Variants in PCDHA10 observed in about 807,000 individuals in gnomAD.
The protein encoded by PCDHA10 is protocadherin alpha 10.
In PCDHA10, 45 loss-of-function variants were observed where a neutral mutation model predicts 61.2. The observed-to-expected ratio is 0.74, with a 90% CI of 0.58 to 0.94. PCDHA10 has a LOEUF of 0.94. PCDHA10 is among the 40% of genes least tolerant of loss of function. The probability of loss-of-function intolerance (pLI) is 0.00; values close to 1 mark genes in which losing one functional copy is unlikely to be tolerated. For synonymous variants in PCDHA10, 602 were observed against 548.8 expected, an observed-to-expected ratio of 1.10 and a Z score of -1.35; for missense variants, 1,278 against 1,236.2, an observed-to-expected ratio of 1.03 and a Z score of -0.51.
rs183786609 is a variant in PCDHA10, at chr5:140,896,576, C to T, written c.2388+38140C>T. ...ATTTTAAGTAGAGATGGGGTTTTGA[C>T]GTGTTGGCCAGGCTGGTCTCGAACT... On this transcript the variant is annotated intron_variant, in intron 1 of 3. Transcript: ENST00000307360. Among the ~76,000 whole-genome samples the T allele has an allele frequency of 3.4e-4, 51 of 151,254 alleles. No individual in the cohort carries two copies. The East Asian group carries it at 4.9e-3, about 14-fold the overall frequency.
chr5:140,859,830 T>C (rs1388131535), intron 1 of PCDHA10: 1 of 152,212 alleles, frequency 6.6e-6, no homozygotes, highest in Non-Finnish European at 1.5e-5. Flanking sequence ...AGAAGTGTAT[T>C]TGTTATTTTA....
At position 140,967,525 on chromosome 5, in the gene PCDHA10, C is replaced by T. The variant is rs368677084; in HGVS notation, c.2389-11424C>T. The stretch of plus-strand genomic sequence containing the variant: ...TGCGTGTCCTGGACACTAACGACAA[C>T]TCTCCTGCCTTTGACCAGTCCACTT... On this transcript the variant is annotated intron_variant, in intron 1 of 3. Coordinates refer to ENST00000307360, the MANE Select transcript of PCDHA10 (RefSeq NM_018901.4). 3.7e-5 allele frequency: 59 copies of T among 1,613,048 alleles called. No individual in the cohort carries two copies. The African/African-American group carries it at 7.3e-4, about 20-fold the overall frequency.
intron 1 of PCDHA10, chr5:140,875,493 A>T: frequency 6.2e-7 from 1 of 1,612,928 alleles, no homozygotes; most frequent in South Asian, 1.1e-5. Flanking sequence ...TCGGACCAAG[A>T]GGCCCGGGAT....
chr5:140,932,637 T>G (rs1554209011), intron 1 of PCDHA10, among the ~76,000 whole-genome samples: 2 of 151,870 alleles, frequency 1.3e-5, no homozygotes, highest in Non-Finnish European at 3.0e-5. Flanking sequence ...TAAAAAACTT[T>G]AGAATGATGA....
In PCDHA10 at chr5:140,927,522, A is replaced by G. The variant is rs1292484442; in HGVS notation, c.2389-51427A>G. On this transcript the variant is annotated intron_variant, in intron 1 of 3. Coordinates refer to ENST00000307360, the MANE Select transcript of PCDHA10 (RefSeq NM_018901.4). ...TGCTTACAGCTCGGGACGGCGGGCT[A>G]CCTGCCCGCTCAGGAGACGCACAAG... 5.6e-6 allele frequency: 9 copies of G among 1,614,088 alleles called. No homozygotes were observed. In the South Asian group the frequency reaches 9.9e-5, roughly 18 times the overall value.
intron 1 of PCDHA10, among the ~76,000 whole-genome samples, chr5:140,953,085 A>G (rs1197965470): frequency 2.0e-5 from 3 of 152,246 alleles, no homozygotes; most frequent in African/African-American, 4.8e-5. Flanking sequence ...ATTGGGGATT[A>G]CAATTTGACA....
chr5:140,987,536 A>G (rs555442118), intron 3 of PCDHA10, among the ~76,000 whole-genome samples: 126 of 152,290 alleles, frequency 8.3e-4, no homozygotes, highest in Non-Finnish European at 1.6e-3. Context: ...TCCTGGGACC[A>G]TTACTTAACT....
At chr5:140,868,550 T>A (rs2050522684) in intron 1 of PCDHA10, 1 of 152,704 alleles carries the variant, frequency 6.5e-6, no homozygotes, top group South Asian at 2.1e-4. Flanking sequence ...AATTTGATAG[T>A]ATTTTTATAT....
At position 140,969,448 on chromosome 5, in the gene PCDHA10, G is replaced by A. The variant is rs781843317; in HGVS notation, c.2389-9501G>A. 468 of 1,537,938 alleles carry A rather than the reference G, an allele frequency of 3.0e-4. 1 individual carries two copies. Among genetic ancestry groups the A allele is most frequent in the Non-Finnish European group, 4.0e-4 (459 of 1,139,778 alleles). On this transcript the variant is annotated intron_variant, in intron 1 of 3. Coordinates refer to ENST00000307360, the MANE Select transcript of PCDHA10 (RefSeq NM_018901.4). ...AGTGACAAGAGTTATCTGGTAAACT[G>A]AGTATATATAGTATCCACAATTTGA...
At chr5:140,942,876 T>C (rs2093384814) in intron 1 of PCDHA10, among the ~76,000 whole-genome samples, 1 of 152,052 alleles carries the variant, frequency 6.6e-6, no homozygotes, top group Non-Finnish European at 1.5e-5. Context: ...GCATGACAAC[T>C]TTTTTCCTAA....
intron 1 of PCDHA10, among the ~76,000 whole-genome samples, chr5:140,957,326 C>G (rs2095350528): frequency 6.6e-6 from 1 of 152,118 alleles, no homozygotes; most frequent in African/African-American, 2.4e-5. Context: ...GAGCACAGTA[C>G]AGTAAGATAT....
At chr5:140,939,603 CAG>C (rs2092419919) in intron 1 of PCDHA10, among the ~76,000 whole-genome samples, 2 of 152,068 alleles carry the variant, frequency 1.3e-5, no homozygotes, top group Non-Finnish European at 2.9e-5. Flanking sequence ...TGCTCAAAAA[CAG>C]AACAAGGAGA....
intron 3 of PCDHA10, among the ~76,000 whole-genome samples, chr5:140,993,250 T>G (rs1554253518): frequency 6.6e-6 from 1 of 152,154 alleles, no homozygotes; most frequent in East Asian, 1.9e-4. Context: ...GGGATTTAGA[T>G]ATATAAATTA....
intron 1 of PCDHA10, chr5:140,882,432 A>G: frequency 6.2e-7 from 1 of 1,614,052 alleles, no homozygotes; most frequent in Non-Finnish European, 8.5e-7. Context: ...CTGGGGCTGG[A>G]GCTGGCGGAG....
chr5:140,950,896 A>G (rs1023778505), intron 1 of PCDHA10, among the ~76,000 whole-genome samples: 1 of 151,834 alleles, frequency 6.6e-6, no homozygotes, highest in Non-Finnish European at 1.5e-5. Context: ...TCTGAGATTT[A>G]TTTTATTTTT....
chr5:140,876,623 A>G (rs2056465121), intron 1 of PCDHA10: 1 of 1,614,086 alleles, frequency 6.2e-7, no homozygotes, highest in East Asian at 2.2e-5. Context: ...GCCAATGGAC[A>G]GGTCATCTGC....
Position 140,856,419 on chromosome 5 carries a change from A to G in PCDHA10, c.371A>G (p.Asp124Gly). The G allele has an allele frequency of 6.3e-7, 1 of 1,598,426 alleles. No individual in the cohort carries two copies. The highest frequency in any genetic ancestry group is 8.6e-7 in the Non-Finnish European group (1 of 1,167,934). The change falls in exon 1 of 4, where the codon GAC becomes GGC. Residue 124 changes from aspartate (D) to glycine (G), a missense_variant. Physicochemically the swap from Asp to Gly is moderately conservative, Grantham distance 94. Transcript: ENST00000307360. The stretch of plus-strand genomic sequence containing the variant: ...TTCCATGTGGACGTGGAAGTGAAGG[A>G]CATTAACGACAACCCGCCCAGGTTC... ...QVFHVDVEVK[D>G]INDNPPRFSV...
Position 140,858,160 on chromosome 5 carries a change from G to A in PCDHA10, c.2112G>A (p.Ala704=). 6.3e-7 allele frequency: 1 copy of A among 1,597,718 alleles called. No homozygotes were observed. Among genetic ancestry groups the A allele is most frequent in the Non-Finnish European group, 8.6e-7 (1 of 1,167,506 alleles). ...VNVYLIIAIC[A]VSSLLVLTLL... ...TGTACCTGATCATCGCCATCTGCGC[G>A]GTGTCCAGCTTGCTGGTGCTCACGC... The change falls in exon 1 of 4, where the codon GCG becomes GCA. Residue 704 remains alanine (A), a synonymous_variant. Coordinates refer to ENST00000307360, the MANE Select transcript of PCDHA10 (RefSeq NM_018901.4).
chr5:140,875,407 A>G (rs2055457272), intron 1 of PCDHA10: 2 of 1,497,672 alleles, frequency 1.3e-6, no homozygotes, highest in Non-Finnish European at 1.8e-6. Flanking sequence ...GACTGCTCAT[A>G]AAATACCTCA....
Sources: gnomAD v4.1 joint callset for allele counts (sites outside exome capture counted in the v4.1 genomes callset) on GRCh38, gnomAD v4.1.1 for gene constraint, MANE v1.5 for transcripts, NCBI Gene and HGNC (gene_info 2026-07-23, HGNC 2026-07-21) for gene names.